Variants in AFF3 observed in about 807,000 individuals in gnomAD.
The protein encoded by AFF3 is AF4/FMR2 family member 3.
A neutral mutation model predicts 129.7 loss-of-function variants in AFF3; 32 were observed. The observed-to-expected ratio is 0.25, with a 90% CI of 0.19 to 0.33. The LOEUF (loss-of-function observed/expected upper bound fraction) is 0.33, where lower values mean the gene tolerates loss of function less well. Ranked by LOEUF, AFF3 falls within the 10% of genes least tolerant of loss-of-function variation. The pLI is 1.00. For synonymous variants in AFF3, 644 were observed against 635.4 expected (o/e 1.01, Z -0.20); for missense variants, 1,373 against 1,592.0 (o/e 0.86, Z 2.34).
At chr2:99,903,036 G>A (rs1425256035) in intron 7 of AFF3, among the ~76,000 whole-genome samples, 1 of 152,126 alleles carries the variant, frequency 6.6e-6, no homozygotes. Flanking sequence ...CATGGAAGAA[G>A]AATCTCAATT....
At chr2:99,952,937 T>C (rs1050549915) in intron 7 of AFF3, among the ~76,000 whole-genome samples, 4 of 152,166 alleles carry the variant, frequency 2.6e-5, no homozygotes, top group Non-Finnish European at 5.9e-5. Flanking sequence ...ATGGAGGTAA[T>C]TACAGTGCTG....
intron 1 of AFF3, among the ~76,000 whole-genome samples, chr2:100,137,222 T>C (rs1368452748): frequency 2.0e-5 from 3 of 152,218 alleles, no homozygotes; most frequent in Non-Finnish European, 4.4e-5. Context: ...GGATTTAATA[T>C]GACAGGATTT....
rs143671157 is a variant in AFF3, at chr2:100,055,226, C to A, written c.54-46294G>T. On this transcript the variant is annotated intron_variant, in intron 4 of 24. Transcript: ENST00000672756. ...GAAGGCCTTTATATTTTTTACTATA[C>A]CAACATCATCTTGTTACCTTAGGGC... Among the ~76,000 whole-genome samples, 285 of 152,154 alleles carry A rather than the reference C, an allele frequency of 1.9e-3. 3 individuals carry two copies. The highest frequency in any genetic ancestry group is 6.4e-3 in the African/African-American group (267 of 41,502).
intron 7 of AFF3, among the ~76,000 whole-genome samples, chr2:99,867,164 C>A (rs1691482368): frequency 6.6e-6 from 1 of 151,948 alleles, no homozygotes; most frequent in Admixed American, 6.6e-5. Context: ...TAAGGTGTAG[C>A]CATTCTTCTC....
intron 7 of AFF3, among the ~76,000 whole-genome samples, chr2:99,867,124 C>T (rs1691479252): frequency 6.6e-6 from 1 of 152,010 alleles, no homozygotes; most frequent in East Asian, 1.9e-4. Context: ...TGAGTTTCAA[C>T]ACCTTAACAA....
At chr2:99,980,796 T>C (rs1679331023) in intron 7 of AFF3, among the ~76,000 whole-genome samples, 1 of 152,214 alleles carries the variant, frequency 6.6e-6, no homozygotes, top group Non-Finnish European at 1.5e-5. Flanking sequence ...TATGAGTTAC[T>C]TCTGATTATA....
At chr2:99,941,602 C>A (rs977637552) in intron 7 of AFF3, among the ~76,000 whole-genome samples, 6 of 152,214 alleles carry the variant, frequency 3.9e-5, no homozygotes, top group African/African-American at 1.4e-4. Context: ...TGTGACTACA[C>A]ATGGGACTAA....
At chr2:99,561,152 GC>G (rs1191386166) in intron 20 of AFF3, among the ~76,000 whole-genome samples, 3 of 152,330 alleles carry the variant, frequency 2.0e-5, no homozygotes, top group Admixed American at 2.0e-4. Context: ...AGTTGTAAGT[GC>G]TTAGACAAAT....
intron 22 of AFF3, 117 bp downstream of exon 22, chr2:99,558,758 G>C (rs894849381): frequency 2.4e-5 from 22 of 920,306 alleles, no homozygotes; most frequent in Non-Finnish European, 3.4e-5. Context: ...GGTTACCTTG[G>C]GGACCAGAGG....
At chr2:99,588,008 CAA>C (rs34481706) in intron 15 of AFF3, among the ~76,000 whole-genome samples, 11 of 106,926 alleles carry the variant, frequency 1.0e-4, no homozygotes, top group Admixed American at 4.7e-4. Context: ...GACTCCGTCT[CAA>C]AAAAAAAAAA....
At chr2:99,568,960 A>G in intron 18 of AFF3, 45 bp from the exon 19 acceptor site, 1 of 1,541,640 alleles carries the variant, frequency 6.5e-7, no homozygotes, top group Non-Finnish European at 9.0e-7. Context: ...GCTTAAGTGC[A>G]ACGTCTTTTT....
chr2:100,076,671 T>C (rs1250431219), intron 4 of AFF3, among the ~76,000 whole-genome samples: 1 of 152,212 alleles, frequency 6.6e-6, no homozygotes, highest in East Asian at 1.9e-4. Context: ...TGTAGTTCTT[T>C]TTCCATTTTC....
intron 7 of AFF3, among the ~76,000 whole-genome samples, chr2:99,970,067 T>G (rs1340356336): frequency 1.3e-5 from 2 of 152,214 alleles, no homozygotes. Flanking sequence ...AATGGTGATC[T>G]GCTCTGTGAG....
At chr2:99,608,196 G>T (rs1396931663) in intron 13 of AFF3, among the ~76,000 whole-genome samples, 2 of 152,198 alleles carry the variant, frequency 1.3e-5, no homozygotes, top group Non-Finnish European at 2.9e-5. Context: ...GGGTGCCCTT[G>T]CATATGATAT....
intron 13 of AFF3, among the ~76,000 whole-genome samples, chr2:99,631,536 C>A (rs920229033): frequency 1.3e-5 from 2 of 152,200 alleles, no homozygotes; most frequent in African/African-American, 2.4e-5. Flanking sequence ...CTGGCAACAA[C>A]CATTCTACCT....
chr2:99,598,606 G>A lies in AFF3; in HGVS notation c.1371+2829C>T, dbSNP rs187591775. On this transcript the variant is annotated intron_variant, in intron 14 of 24. Coordinates refer to ENST00000672756, the MANE Select transcript of AFF3 (RefSeq NM_001386135.1). ...GGACATGGTGGGGAGAATACAGGGC[G>A]CCTCCTACGCCCATAGCAGGATGTT... is the stretch of plus-strand genomic sequence containing the variant. Among the ~76,000 whole-genome samples, 470 of 152,356 alleles carry A rather than the reference G, an allele frequency of 3.1e-3. 1 individual carries two copies. The highest frequency in any genetic ancestry group is 4.1e-3 in the Non-Finnish European group (282 of 68,036).
chr2:99,552,421 G>A (rs936013030), intron 24 of AFF3, among the ~76,000 whole-genome samples: 8 of 152,120 alleles, frequency 5.3e-5, no homozygotes, highest in Non-Finnish European at 2.9e-5. Flanking sequence ...ATGTACCAAG[G>A]CACTCTGCTA....
chr2:99,984,695 C>A (rs1417924488), intron 7 of AFF3, among the ~76,000 whole-genome samples: 1 of 152,042 alleles, frequency 6.6e-6, no homozygotes, highest in Non-Finnish European at 1.5e-5. Flanking sequence ...CCCACCAACC[C>A]CCCAACCCCA....
At chr2:99,695,973 A>T (rs1388415792) in intron 11 of AFF3, among the ~76,000 whole-genome samples, 1 of 97,794 alleles carries the variant, frequency 1.0e-5, no homozygotes, top group South Asian at 3.3e-4. Context: ...AAAAGAAAAA[A>T]CCAAAAAAAA....
Sources: allele counts gnomAD v4.1 joint callset (sites outside exome capture counted in the v4.1 genomes callset), GRCh38; gene constraint gnomAD v4.1.1; transcripts MANE v1.5; gene names NCBI Gene and HGNC (gene_info 2026-07-23, HGNC 2026-07-21).